The following INPP5A variants were observed in gnomAD, a reference collection of about 807,000 sequenced individuals.
The protein encoded by INPP5A is inositol polyphosphate-5-phosphatase A, also known as 43 kDa inositol polyphosphate 5-phophatase.
Under a neutral mutation model 65.2 loss-of-function variants are expected in INPP5A, and 14 were observed. That is an observed-to-expected ratio of 0.21 (90% confidence interval 0.14 to 0.34). The LOEUF (loss-of-function observed/expected upper bound fraction) is 0.34, where lower values mean the gene tolerates loss of function less well. INPP5A is among the 10% of genes least tolerant of loss of function. INPP5A has a pLI of 1.00. For synonymous variants in INPP5A, 207 were observed against 208.3 expected, an observed-to-expected ratio of 0.99 and a Z score of 0.05; for missense variants, 431 against 545.6, an observed-to-expected ratio of 0.79 and a Z score of 2.09.
intron 1 of INPP5A, among the ~76,000 whole-genome samples, chr10:132,557,301 C>T (rs558038334): frequency 2.0e-5 from 3 of 152,372 alleles, no homozygotes; most frequent in South Asian, 2.1e-4. Flanking sequence ...GGTTAGGCCA[C>T]GGGTCACAGT....
chr10:132,633,906 C>G (rs1448850403), intron 2 of INPP5A, among the ~76,000 whole-genome samples: 1 of 152,252 alleles, frequency 6.6e-6, no homozygotes, highest in African/African-American at 2.4e-5. Flanking sequence ...CACCCACGCT[C>G]AGCTGTGAAG....
intron 12 of INPP5A, among the ~76,000 whole-genome samples, chr10:132,776,625 AG>A (rs759501529): frequency 3.6e-4 from 54 of 152,078 alleles, no homozygotes; most frequent in Non-Finnish European, 7.1e-4. Context: ...CGCTGCACTT[AG>A]GGGCAGGTGG....
chr10:132,589,412 G>A (rs1429953315), intron 1 of INPP5A, among the ~76,000 whole-genome samples: 1 of 152,242 alleles, frequency 6.6e-6, no homozygotes, highest in Non-Finnish European at 1.5e-5. Context: ...TGGGCACCTG[G>A]TTCCAAACCC....
At chr10:132,579,195 G>A (rs548205024) in intron 1 of INPP5A, among the ~76,000 whole-genome samples, 11 of 152,186 alleles carry the variant, frequency 7.2e-5, no homozygotes, top group Admixed American at 2.6e-4. Flanking sequence ...AGCTGGAGGC[G>A]GGGGAAGGAG....
intron 9 of INPP5A, among the ~76,000 whole-genome samples, chr10:132,729,456 C>G (rs1846043889): frequency 6.6e-6 from 1 of 152,216 alleles, no homozygotes; most frequent in East Asian, 1.9e-4. Flanking sequence ...CTAGATGGCC[C>G]TGGTGCCCTG....
chr10:132,708,410 C>G, intron 7 of INPP5A, 45 bp downstream of exon 7: 1 of 1,570,098 alleles, frequency 6.4e-7, no homozygotes, highest in Non-Finnish European at 8.8e-7. Context: ...CGTTTCTTAC[C>G]CTTTTATATC....
At chr10:132,646,774 C>A (rs374544988) in intron 3 of INPP5A, among the ~76,000 whole-genome samples, 1 of 152,148 alleles carries the variant, frequency 6.6e-6, no homozygotes, top group Non-Finnish European at 1.5e-5. Context: ...TGTGGGCCGA[C>A]GCCGCTGCCA....
At chr10:132,646,327 CAAG>C (rs1413786582) in intron 3 of INPP5A, among the ~76,000 whole-genome samples, 1 of 152,204 alleles carries the variant, frequency 6.6e-6, no homozygotes, top group Non-Finnish European at 1.5e-5. Context: ...CAGTCTGTCT[CAAG>C]GAGGTCGGCA....
chr10:132,759,016 C>T (rs1846682409), intron 11 of INPP5A, among the ~76,000 whole-genome samples: 1 of 152,266 alleles, frequency 6.6e-6, no homozygotes, highest in Admixed American at 6.5e-5. Context: ...TGATATTGAA[C>T]TCTGTTTACA....
In INPP5A at chr10:132,771,602, C is replaced by T. The variant is rs1846948733; in HGVS notation, c.977+5756C>T. On this transcript the variant is annotated intron_variant, in intron 12 of 15. Transcript: ENST00000368594. ...CAAAACTTGGAAGTATCCCCAGTGC[C>T]CATGAAGAGTGGGACGGACACTCAG... Among the ~76,000 whole-genome samples, 6 of 152,120 alleles carry T rather than the reference C, an allele frequency of 3.9e-5. No individual in the cohort carries two copies. The South Asian group carries it at 1.2e-3, about 32-fold the overall frequency.
At chr10:132,630,346 C>T (rs2072248867) in intron 2 of INPP5A, among the ~76,000 whole-genome samples, 1 of 151,064 alleles carries the variant, frequency 6.6e-6, no homozygotes, top group Non-Finnish European at 1.5e-5. Context: ...GGAAAGGCCT[C>T]CATGAGGGAA....
intron 9 of INPP5A, among the ~76,000 whole-genome samples, chr10:132,745,580 C>CGGGCCTCGGGTGGCACTGGCCCCAGCCT (rs1292855065): frequency 7.0e-4 from 106 of 152,362 alleles, no homozygotes; most frequent in Admixed American, 6.9e-3. Flanking sequence ...GGCCCCAGCC[C>CGGGCCTCGGGTGGCACTGGCCCCAGCCT]GGGCCTCGGG....
chr10:132,766,357 G>A (rs1009070360), intron 12 of INPP5A, among the ~76,000 whole-genome samples: 1 of 152,210 alleles, frequency 6.6e-6, no homozygotes. Flanking sequence ...ACTTGCTCAC[G>A]AGGGACCTAC....
intron 6 of INPP5A, among the ~76,000 whole-genome samples, chr10:132,699,387 C>T (rs909640744): frequency 1.3e-5 from 2 of 151,644 alleles, no homozygotes; most frequent in African/African-American, 2.4e-5. Flanking sequence ...CTGGGCAGGG[C>T]CAGGCGCTGC....
Position 132,704,153 on chromosome 10 carries a change from G to C in INPP5A, c.475-4160G>C, listed in dbSNP as rs1434586053. On this transcript the variant is annotated intron_variant, in intron 6 of 15. Transcript: ENST00000368594. This position sits in a 1 kb window ranked among gnomAD's most constrained non-coding sequence, Gnocchi z 4.5. Reference sequence around the variant, plus strand: ...AGTCCCCCCAGACAGGAGGTGTCGAGGCACGGAAGATGAGCTGCTGGTGCT... The same window carrying C: ...AGTCCCCCCAGACAGGAGGTGTCGACGCACGGAAGATGAGCTGCTGGTGCT... Among the ~76,000 whole-genome samples the C allele has an allele frequency of 6.6e-6, 1 of 152,044 alleles. No individual in the cohort carries two copies. Among genetic ancestry groups the C allele is most frequent in the Non-Finnish European group, 1.5e-5 (1 of 68,028 alleles).
At chr10:132,596,977 G>T (rs534021316) in intron 1 of INPP5A, among the ~76,000 whole-genome samples, 30 of 141,158 alleles carry the variant, frequency 2.1e-4, no homozygotes, top group African/African-American at 8.2e-4. Flanking sequence ...GTGTGCATGC[G>T]TGTGTGCATG....
chr10:132,539,891 G>C (rs2070887822), intron 1 of INPP5A, among the ~76,000 whole-genome samples: 1 of 152,196 alleles, frequency 6.6e-6, no homozygotes. Flanking sequence ...CTGTTTTTCT[G>C]TTTTTCTTAT....
In INPP5A at chr10:132,644,547, G is replaced by A. The variant is rs986513674; in HGVS notation, c.118-1321G>A. Among the ~76,000 whole-genome samples the A allele has an allele frequency of 1.3e-5, 2 of 152,264 alleles. No homozygotes were observed. The highest frequency in any genetic ancestry group is 4.8e-5 in the African/African-American group (2 of 41,466). ...TCCTGGGAGGTGGGCCATGCCCACAGCTCCACCTGGCTCACAGTGAGTGCC... is the reference window on the plus strand; with the variant it reads ...TCCTGGGAGGTGGGCCATGCCCACAACTCCACCTGGCTCACAGTGAGTGCC... On this transcript the variant is annotated intron_variant, in intron 2 of 15. Transcript: ENST00000368594. This position sits in a 1 kb window ranked among gnomAD's most constrained non-coding sequence, Gnocchi z 6.5.
At chr10:132,739,354 G>A (rs1158588697) in intron 9 of INPP5A, among the ~76,000 whole-genome samples, 1 of 152,240 alleles carries the variant, frequency 6.6e-6, no homozygotes, top group African/African-American at 2.4e-5. Flanking sequence ...GGGTCCCTCT[G>A]CCAAGCTCAG....
Sources: gnomAD v4.1 joint callset for allele counts (sites outside exome capture counted in the v4.1 genomes callset) on GRCh38, gnomAD v4.1.1 for gene constraint, Gnocchi (gnomAD v3.1) non-coding constraint, MANE v1.5 for transcripts, NCBI Gene and HGNC (gene_info 2026-07-23, HGNC 2026-07-21) for gene names.